Variants in TRHDE observed in about 807,000 individuals in gnomAD.
TRHDE encodes thyrotropin-releasing hormone-degrading ectoenzyme.
Under a neutral mutation model 125.7 loss-of-function variants are expected in TRHDE, and 72 were observed. The observed-to-expected ratio is 0.57, with a 90% CI of 0.47 to 0.70. TRHDE has a LOEUF of 0.70. Ranked by LOEUF, TRHDE falls within the 30% of genes least tolerant of loss-of-function variation. TRHDE has a pLI of 0.00. For missense variants in TRHDE, 1,110 were observed against 1,327.1 expected (o/e 0.84, Z 2.54); for synonymous variants, 509 against 509.1 (o/e 1.00, Z 0.00).
chr12:72,468,838 C>T (rs1160800226), intron 3 of TRHDE, among the ~76,000 whole-genome samples: 3 of 152,174 alleles, frequency 2.0e-5, no homozygotes, highest in South Asian at 4.1e-4. Flanking sequence ...ATTTCTGTAC[C>T]ATTTCTGGTC....
intron 2 of TRHDE, among the ~76,000 whole-genome samples, chr12:72,314,891 C>G (rs1254610272): frequency 6.6e-6 from 1 of 152,136 alleles, no homozygotes; most frequent in African/African-American, 2.4e-5. Flanking sequence ...TTTAAAAACA[C>G]TGCATTTAGG....
chr12:72,559,056 A>G (rs1221820341), intron 7 of TRHDE, among the ~76,000 whole-genome samples: 1 of 152,120 alleles, frequency 6.6e-6, no homozygotes, highest in Non-Finnish European at 1.5e-5. Flanking sequence ...GAATGAGATA[A>G]AATATAAGGC....
chr12:72,138,755 T>A (rs1049030655), intron 2 of TRHDE, among the ~76,000 whole-genome samples: 3 of 152,242 alleles, frequency 2.0e-5, no homozygotes, highest in African/African-American at 7.2e-5. Flanking sequence ...TATTCCGTTG[T>A]CCAGTGCTTG....
intron 2 of TRHDE, among the ~76,000 whole-genome samples, chr12:72,155,672 G>T (rs1184009836): frequency 6.6e-6 from 1 of 152,190 alleles, no homozygotes. Context: ...GACCCCGTTT[G>T]CCTGGGTATC....
intron 12 of TRHDE, among the ~76,000 whole-genome samples, chr12:72,605,517 A>G (rs1872402291): frequency 2.6e-5 from 4 of 152,164 alleles, no homozygotes; most frequent in African/African-American, 9.6e-5. Context: ...AGAGGATACT[A>G]AAGTGTTTTC....
At chr12:72,170,647 G>A (rs138399792) in intron 2 of TRHDE, among the ~76,000 whole-genome samples, 37 of 152,180 alleles carry the variant, frequency 2.4e-4, no homozygotes, top group African/African-American at 7.2e-4. Flanking sequence ...GACCTATTCC[G>A]ACTCAAAAGG....
At chr12:72,435,373 G>A (rs1793217374) in intron 3 of TRHDE, among the ~76,000 whole-genome samples, 1 of 152,024 alleles carries the variant, frequency 6.6e-6, no homozygotes, top group Non-Finnish European at 1.5e-5. Context: ...CAGTTCATTG[G>A]CATTGGTGTT....
intron 2 of TRHDE, among the ~76,000 whole-genome samples, chr12:72,345,824 CT>C (rs1401335777): frequency 6.6e-6 from 1 of 151,936 alleles, no homozygotes; most frequent in Non-Finnish European, 1.5e-5. Context: ...GGTGGGGACC[CT>C]GTTTCCTCAC....
At chr12:72,648,772 C>A (rs1874384153) in intron 15 of TRHDE, among the ~76,000 whole-genome samples, 1 of 151,562 alleles carries the variant, frequency 6.6e-6, no homozygotes, top group South Asian at 2.1e-4. Context: ...CATAGAGAGA[C>A]CCCATCTCTA....
chr12:72,634,364 A>G (rs1191458531), intron 15 of TRHDE, among the ~76,000 whole-genome samples: 2 of 151,844 alleles, frequency 1.3e-5, no homozygotes, highest in East Asian at 1.9e-4. Flanking sequence ...TGAATTTCCT[A>G]TCCCCATAGA....
chr12:72,251,958 T>C (rs541340365), intron 2 of TRHDE, among the ~76,000 whole-genome samples: 1 of 152,234 alleles, frequency 6.6e-6, no homozygotes, highest in African/African-American at 2.4e-5. Context: ...TTCAGTGACA[T>C]GTTTGCTCAT....
At chr12:72,514,362 A>C (rs1175451140) in intron 6 of TRHDE, among the ~76,000 whole-genome samples, 1 of 152,180 alleles carries the variant, frequency 6.6e-6, no homozygotes, top group African/African-American at 2.4e-5. Flanking sequence ...AATTTGAGGA[A>C]ATAAAAAGAG....
In TRHDE at chr12:72,621,140, T is replaced by C. The variant is rs1272553891; in HGVS notation, c.2502T>C (p.Tyr834=). The C allele has an allele frequency of 6.2e-7, 1 of 1,611,948 alleles. No homozygotes were observed. Among genetic ancestry groups the C allele is most frequent in the Non-Finnish European group, 8.5e-7 (1 of 1,178,530 alleles). ...TTTTAAAGCAAGTTGCAACAACATA[T>C]ATCAAGCTTGGGTGGCCGAAAAATA... ...EYILKQVATT[Y]IKLGWPKNNF... is the part of the protein sequence containing the mutation. Residue 834 remains tyrosine (Y), a synonymous_variant, in exon 14 of 19, where the codon TAT becomes TAC. Coordinates refer to ENST00000261180, the MANE Select transcript of TRHDE (RefSeq NM_013381.3).
intron 2 of TRHDE, among the ~76,000 whole-genome samples, chr12:72,318,469 A>G (rs926609240): frequency 1.3e-5 from 2 of 152,144 alleles, no homozygotes; most frequent in African/African-American, 4.8e-5. Flanking sequence ...CTTAGATACG[A>G]TTATGAATTG....
chr12:72,509,467 C>T (rs1027457171), intron 6 of TRHDE, among the ~76,000 whole-genome samples: 3 of 152,090 alleles, frequency 2.0e-5, no homozygotes, highest in Non-Finnish European at 4.4e-5. Flanking sequence ...CCTTGTTTTC[C>T]CTGAGCTCTA....
intron 12 of TRHDE, among the ~76,000 whole-genome samples, chr12:72,588,048 T>G (rs1242542341): frequency 6.6e-6 from 1 of 152,136 alleles, no homozygotes; most frequent in Non-Finnish European, 1.5e-5. Context: ...CCTGTACTGG[T>G]AAGCGATCAG....
intron 6 of TRHDE, among the ~76,000 whole-genome samples, chr12:72,526,289 T>C (rs1868336364): frequency 6.6e-6 from 1 of 152,150 alleles, no homozygotes. Context: ...GTTGTTTGAC[T>C]GGATTGATTT....
intron 2 of TRHDE, among the ~76,000 whole-genome samples, chr12:72,236,191 G>C (rs1415899917): frequency 6.6e-6 from 1 of 152,110 alleles, no homozygotes; most frequent in Non-Finnish European, 1.5e-5. Flanking sequence ...GAAAAAAACA[G>C]ATGGAAGATG....
At chr12:72,627,092 C>G (rs1873290540) in intron 15 of TRHDE, among the ~76,000 whole-genome samples, 1 of 151,894 alleles carries the variant, frequency 6.6e-6, no homozygotes, top group African/African-American at 2.4e-5. Context: ...AACAGGGCTG[C>G]CCGCCCTTCC....
Sources: gnomAD v4.1 joint callset for allele counts (sites outside exome capture counted in the v4.1 genomes callset) on GRCh38, gnomAD v4.1.1 for gene constraint, MANE v1.5 for transcripts, NCBI Gene and HGNC (gene_info 2026-07-23, HGNC 2026-07-21) for gene names.